ADHFE1: variants seen among roughly 807,000 people sequenced by gnomAD.
ADHFE1 encodes the protein hydroxyacid-oxoacid transhydrogenase, mitochondrial.
In ADHFE1, 37 loss-of-function variants were observed where a neutral mutation model predicts 54.8. That is an observed-to-expected ratio of 0.68 (90% CI 0.52 to 0.89). The LOEUF (loss-of-function observed/expected upper bound fraction) is 0.89, where lower values mean the gene tolerates loss of function less well. ADHFE1 is among the 40% of genes least tolerant of loss of function. The pLI is 0.00. For missense variants in ADHFE1, 601 were observed against 591.2 expected (o/e 1.02, Z -0.17); for synonymous variants, 203 against 229.3 (o/e 0.89, Z 1.04).
rs1161623944 is a variant in ADHFE1 at position 66,442,711 on chromosome 8, C to T, written c.98-87C>T. 3 of 1,179,502 alleles carry T rather than the reference C, an allele frequency of 2.5e-6. No individual in the cohort carries two copies. The East Asian group carries it at 7.2e-5, about 28-fold the overall frequency. The allele number at this position is 1,179,502 out of a possible 1,614,324, so 73.1% of individuals were successfully genotyped here. On this transcript the variant is annotated intron_variant, in intron 2 of 13. Coordinates refer to ENST00000396623, the MANE Select transcript of ADHFE1 (RefSeq NM_144650.3). ...TTTTGGTAAGACTTCAAAGGAAATA[C>T]TTATGTTCACTGCTGGATTTTACTA...
chr8:66,444,353 T>C lies in ADHFE1; in HGVS notation c.145-14T>C. The C allele has an allele frequency of 6.2e-7, 1 of 1,613,966 alleles. No homozygotes were observed. Among genetic ancestry groups the C allele is most frequent in the Non-Finnish European group, 8.5e-7 (1 of 1,179,856 alleles). On this transcript the variant is annotated splice_polypyrimidine_tract_variant and intron_variant, in intron 3 of 13. Transcript: ENST00000396623. ...CAAATACTCCCTACACCTAAACCTT[T>C]TTATTTTTTTCAGATGGCTGTTTCA...
rs1806082325 is a variant in ADHFE1, at chr8:66,447,308, A to G, written c.595A>G (p.Ile199Val). 7 of 1,613,574 alleles carry G rather than the reference A, an allele frequency of 4.3e-6. No homozygotes were observed. The highest frequency in any genetic ancestry group is 5.1e-6 in the Non-Finnish European group (6 of 1,179,770). The change falls in exon 7 of 14, where the codon ATT (isoleucine) becomes GTT (valine). Residue 199 changes from isoleucine (I) to valine (V), a missense_variant. By Grantham distance (29) the Ile-to-Val change is conservative (BLOSUM62 3). Transcript: ENST00000396623. Reference sequence around the variant, plus strand: ...CGGGAGTGAAACTACTGGGGTTGCCATTTTTGACTATGAACACTTGAAAGT... The same window carrying G: ...CGGGAGTGAAACTACTGGGGTTGCCGTTTTTGACTATGAACACTTGAAAGT... ...GTGSETTGVA[I>V]FDYEHLKVKI... is the part of the protein sequence containing the mutation.
intron 1 of ADHFE1, among the ~76,000 whole-genome samples, chr8:66,437,952 C>A (rs1036741598): frequency 6.6e-6 from 1 of 152,150 alleles, no homozygotes; most frequent in Non-Finnish European, 1.5e-5. Flanking sequence ...GAAATAATAA[C>A]GGCAAAGTTC....
At position 66,467,737 on chromosome 8, in the gene ADHFE1, T is replaced by C. The variant is rs75779680; in HGVS notation, c.1321-532T>C. Reference sequence around the variant, plus strand: ...CTTCGCTGAATTGACTCAATAATCATTGGAGAAATTAACAAATCACTGGAT... The same window carrying C: ...CTTCGCTGAATTGACTCAATAATCACTGGAGAAATTAACAAATCACTGGAT... On this transcript the variant is annotated intron_variant, in intron 13 of 13. Transcript: ENST00000396623. 3.7e-3 allele frequency among the ~76,000 whole-genome samples: 558 copies of C among 152,180 alleles called. 3 individuals carry two copies. Among genetic ancestry groups the C allele is most frequent in the African/African-American group, 0.013 (540 of 41,524 alleles).
At chr8:66,441,041 C>G (rs1442332425) in intron 2 of ADHFE1, among the ~76,000 whole-genome samples, 2 of 152,212 alleles carry the variant, frequency 1.3e-5, no homozygotes, top group Non-Finnish European at 2.9e-5. Context: ...GAGACAGAAA[C>G]ATATCCAACC....
chr8:66,439,855 T>C lies in ADHFE1; in HGVS notation c.60-307T>C. The C allele has an allele frequency of 1.0e-6, 1 of 962,816 alleles. No individual in the cohort carries two copies. The highest frequency in any genetic ancestry group is 1.3e-6 in the Non-Finnish European group (1 of 751,240). The allele number at this position is 962,816 out of a possible 1,614,324, so 59.6% of individuals were successfully genotyped here. ...GCTTCATGGAGACCAGAGACCCCCA[T>C]CTTAAACTTGCATGTACCCCCAGAG... On this transcript the variant is annotated intron_variant, in intron 1 of 13. Transcript: ENST00000396623. The surrounding 1 kb of genome is among the most constrained non-coding windows in gnomAD (Gnocchi z 4.4).
intron 12 of ADHFE1, chr8:66,460,090 G>T: frequency 1.9e-6 from 1 of 532,098 alleles, no homozygotes; most frequent in Non-Finnish European, 3.4e-6. Flanking sequence ...CCACACAAGG[G>T]GCAAGTATGT....
chr8:66,460,246 T>C, intron 12 of ADHFE1, 62 bp from the exon 13 acceptor site: 2 of 1,596,122 alleles, frequency 1.3e-6, no homozygotes, highest in Non-Finnish European at 1.7e-6. Flanking sequence ...ATCTTGTGAC[T>C]GAACTCCACC....
chr8:66,459,423 TA>T lies in ADHFE1; in HGVS notation c.1163-884del, dbSNP rs1806769281. The T allele has an allele frequency of 7.0e-4, 76 of 109,088 alleles. 2 individuals are homozygous for T. The Admixed American group carries it at 7.1e-3, about 10-fold the overall frequency. 6.8% of individuals were successfully genotyped at this position (109,088 alleles called of 1,614,324 possible). On this transcript the variant is annotated intron_variant, in intron 12 of 13. Transcript: ENST00000396623. ...TTTTAATTTTTATTATATATATATA[TA>T]TATATATTTTTTTTTTTTTTTTAAC...
chr8:66,435,964 G>A (rs1052803760), intron 1 of ADHFE1, among the ~76,000 whole-genome samples: 2 of 147,476 alleles, frequency 1.4e-5, no homozygotes, highest in African/African-American at 5.1e-5. Flanking sequence ...CGCCCAGGCT[G>A]GAGTACAGTG....
At chr8:66,443,428 C>CCA (rs1805869273) in intron 3 of ADHFE1, among the ~76,000 whole-genome samples, 1 of 151,918 alleles carries the variant, frequency 6.6e-6, no homozygotes, top group South Asian at 2.1e-4. Flanking sequence ...CAGGTGCACA[C>CCA]CACCACACCC....
At chr8:66,459,432 T>TATATATA (rs200118083) in intron 12 of ADHFE1, 59 of 81,696 alleles carry the variant, frequency 7.2e-4, no homozygotes, top group African/African-American at 2.3e-3. Flanking sequence ...ATATATATAT[T>TATATATA]TTTTTTTTTT....
intron 10 of ADHFE1, among the ~76,000 whole-genome samples, chr8:66,456,365 G>A (rs992619532): frequency 2.6e-5 from 4 of 152,160 alleles, no homozygotes; most frequent in African/African-American, 9.7e-5. Flanking sequence ...TCACTGATGG[G>A]TCAAGCTTGC....
intron 12 of ADHFE1, among the ~76,000 whole-genome samples, chr8:66,458,854 G>T (rs990170401): frequency 6.6e-6 from 1 of 151,948 alleles, no homozygotes. Context: ...CAGAGATTTC[G>T]ATGGTGTTTT....
At chr8:66,433,509 C>T (rs1007320577) in intron 1 of ADHFE1, among the ~76,000 whole-genome samples, 1 of 152,146 alleles carries the variant, frequency 6.6e-6, no homozygotes, top group East Asian at 1.9e-4. Flanking sequence ...CTATGACACA[C>T]GGTATTGTCA....
chr8:66,456,355 T>C (rs1160219047), intron 10 of ADHFE1, among the ~76,000 whole-genome samples: 1 of 152,154 alleles, frequency 6.6e-6, no homozygotes, highest in Non-Finnish European at 1.5e-5. Flanking sequence ...GTGGGACAGA[T>C]CACTGATGGG....
intron 4 of ADHFE1, 52 bp downstream of exon 4, chr8:66,444,472 C>T: frequency 1.2e-6 from 2 of 1,607,382 alleles, no homozygotes; most frequent in Non-Finnish European, 1.7e-6. Flanking sequence ...ACATATCTCA[C>T]AAGACCATGC....
intron 1 of ADHFE1, among the ~76,000 whole-genome samples, chr8:66,434,473 A>G (rs1805361185): frequency 6.6e-6 from 1 of 152,242 alleles, no homozygotes; most frequent in African/African-American, 2.4e-5. Flanking sequence ...GCACTGCCAC[A>G]GCAGGAGTAG....
At chr8:66,455,590 C>A (rs1281043435) in intron 10 of ADHFE1, among the ~76,000 whole-genome samples, 1 of 152,160 alleles carries the variant, frequency 6.6e-6, no homozygotes, top group Non-Finnish European at 1.5e-5. Flanking sequence ...ATGCCCCTGG[C>A]CCCACCAATT....
Sources: allele counts gnomAD v4.1 joint callset (sites outside exome capture counted in the v4.1 genomes callset), GRCh38; gene constraint gnomAD v4.1.1; non-coding constraint Gnocchi (gnomAD v3.1); transcripts MANE v1.5; gene names NCBI Gene and HGNC (gene_info 2026-07-23, HGNC 2026-07-21).